MIS18A: variants seen among roughly 807,000 people sequenced by gnomAD.
MIS18A encodes protein Mis18-alpha.
A neutral mutation model predicts 25.0 loss-of-function variants in MIS18A; 14 were observed. The ratio of observed to expected loss-of-function variants is 0.56; its 90% CI spans 0.37 to 0.88. The LOEUF is 0.88. Ranked by LOEUF, MIS18A falls within the 40% of genes least tolerant of loss-of-function variation. The pLI is 0.00. For missense variants in MIS18A, 292 were observed against 290.8 expected (o/e 1.00, Z -0.03); for synonymous variants, 134 against 118.6 (o/e 1.13, Z -0.84).
chr21:32,181,864 A>G, the MIS18A span, among the ~76,000 whole-genome samples: 1 of 152,312 alleles, frequency 6.6e-6, no homozygotes, highest in South Asian at 2.1e-4. Flanking sequence ...TGACCTCAGA[A>G]GGTAGCTAAG....
At chr21:32,227,221 T>C in the MIS18A span, among the ~76,000 whole-genome samples, 1 of 150,092 alleles carries the variant, frequency 6.7e-6, no homozygotes, top group African/African-American at 2.5e-5. Context: ...AGAGACAAAA[T>C]AAACGAAATA....
intron 1 of MIS18A, 56 bp from the exon 2 acceptor site, chr21:32,274,952 G>A: frequency 7.2e-7 from 1 of 1,392,576 alleles, no homozygotes; most frequent in Non-Finnish European, 1.0e-6. Context: ...TAACATACCT[G>A]CAGACAGAGA....
At chr21:32,197,684 G>A in the MIS18A span, 1 of 152,138 alleles carries the variant, frequency 6.6e-6, no homozygotes, top group South Asian at 2.1e-4. Flanking sequence ...AAGTTTCCTT[G>A]TAACTTCCTC....
chr21:32,211,553 A>G, the MIS18A span, among the ~76,000 whole-genome samples: 1 of 152,182 alleles, frequency 6.6e-6, no homozygotes, highest in African/African-American at 2.4e-5. Flanking sequence ...TTCTGTTTCC[A>G]AGATCCCAAA....
At chr21:32,247,391 A>G in the MIS18A span, among the ~76,000 whole-genome samples, 2 of 152,204 alleles carry the variant, frequency 1.3e-5, no homozygotes, top group Admixed American at 1.3e-4. Flanking sequence ...AGAAGAAAAG[A>G]GTACCAAAAT....
intron 3 of MIS18A, 94 bp from the exon 4 acceptor site, chr21:32,269,897 A>G (rs765780794): frequency 1.3e-5 from 10 of 792,822 alleles, no homozygotes; most frequent in Non-Finnish European, 2.1e-5. Flanking sequence ...GGATCATCTG[A>G]GGCTAGGAGT....
intron 2 of MIS18A, among the ~76,000 whole-genome samples, chr21:32,274,018 T>C (rs975954101): frequency 3.3e-5 from 5 of 152,022 alleles, no homozygotes; most frequent in Non-Finnish European, 5.9e-5. Flanking sequence ...GGGCTTCAGA[T>C]TGCTGGAGCT....
the MIS18A span, chr21:32,260,410 T>TC: frequency 1.3e-5 from 2 of 150,140 alleles, no homozygotes; most frequent in African/African-American, 5.0e-5. Context: ...AGACAGAGAG[T>TC]ACACAGGGCA....
At chr21:32,245,545 C>T in the MIS18A span, among the ~76,000 whole-genome samples, 1 of 152,116 alleles carries the variant, frequency 6.6e-6, no homozygotes, top group African/African-American at 2.4e-5. Context: ...GAAGCTGCAG[C>T]TGGGAAGGAG....
At chr21:32,265,798 G>A (rs1024853350), downstream of MIS18A, among the ~76,000 whole-genome samples, 6 of 152,410 alleles carry the variant, frequency 3.9e-5, no homozygotes. Context: ...GGGCTCCTGA[G>A]TCTGGTGGGG....
chr21:32,212,185 A>G, the MIS18A span, among the ~76,000 whole-genome samples: 2 of 152,176 alleles, frequency 1.3e-5, no homozygotes, highest in South Asian at 4.1e-4. Context: ...TTTTTATTTG[A>G]ATAACTGGGT....
the MIS18A span, among the ~76,000 whole-genome samples, chr21:32,222,830 C>T: frequency 6.7e-6 from 1 of 149,980 alleles, no homozygotes; most frequent in Non-Finnish European, 1.5e-5. Context: ...ACTTGGGAGG[C>T]TAAAGGAGGA....
the MIS18A span, among the ~76,000 whole-genome samples, chr21:32,188,258 C>G: frequency 0.15 from 22,873 of 152,226 alleles, 1,829 homozygotes; most frequent in East Asian, 0.25. Context: ...GTTGGCAGAA[C>G]ACACAAGACA....
At chr21:32,238,083 A>C in the MIS18A span, among the ~76,000 whole-genome samples, 1 of 152,258 alleles carries the variant, frequency 6.6e-6, no homozygotes, top group East Asian at 1.9e-4. Context: ...GAGAGGGGAG[A>C]ATGGCAGTGT....
chr21:32,216,678 C>T, the MIS18A span, among the ~76,000 whole-genome samples: 1 of 152,150 alleles, frequency 6.6e-6, no homozygotes, highest in African/African-American at 2.4e-5. Context: ...CTATATCATG[C>T]CCAAGAAAGA....
At chr21:32,258,608 A>T in the MIS18A span, among the ~76,000 whole-genome samples, 1 of 152,154 alleles carries the variant, frequency 6.6e-6, no homozygotes, top group Non-Finnish European at 1.5e-5. Context: ...ACTTTACAGC[A>T]TGTCAAACAG....
At chr21:32,257,895 G>A in the MIS18A span, among the ~76,000 whole-genome samples, 4 of 152,142 alleles carry the variant, frequency 2.6e-5, no homozygotes, top group African/African-American at 9.7e-5. Context: ...AAATGTAGTT[G>A]CCTGAGTTCA....
the MIS18A span, among the ~76,000 whole-genome samples, chr21:32,176,421 A>T: frequency 3.3e-5 from 5 of 152,192 alleles, no homozygotes; most frequent in African/African-American, 1.2e-4. Context: ...ATTGACCAAA[A>T]TGTTATTATG....
At chr21:32,275,305 T>C (rs2031790088) in intron 1 of MIS18A, among the ~76,000 whole-genome samples, 1 of 152,070 alleles carries the variant, frequency 6.6e-6, no homozygotes, top group African/African-American at 2.4e-5. Flanking sequence ...TGGCTAAAAT[T>C]AGAGGGGAAA....
Sources: gnomAD v4.1 joint callset for allele counts (sites outside exome capture counted in the v4.1 genomes callset) on GRCh38, gnomAD v4.1.1 for gene constraint, MANE v1.5 for transcripts, NCBI Gene and HGNC (gene_info 2026-07-23, HGNC 2026-07-21) for gene names.